LRFN2: variants seen among roughly 807,000 people sequenced by gnomAD.
The protein encoded by LRFN2 is leucine rich repeat and fibronectin type III domain containing 2.
Under a neutral mutation model 37.3 loss-of-function variants are expected in LRFN2, and 18 were observed. The ratio of observed to expected loss-of-function variants is 0.48; its 90% CI spans 0.33 to 0.72. The LOEUF (loss-of-function observed/expected upper bound fraction) is 0.72. Among genes scored for constraint, LRFN2 ranks in the 30% least tolerant of loss-of-function variants. LRFN2 has a pLI of 0.02. For missense variants in LRFN2, 1,006 were observed against 1,060.7 expected, an observed-to-expected ratio of 0.95 and a Z score of 0.72; for synonymous variants, 556 against 466.6, an observed-to-expected ratio of 1.19 and a Z score of -2.47.
At chr6:40,443,527 G>T (rs775451165) in intron 1 of LRFN2, among the ~76,000 whole-genome samples, 5 of 152,152 alleles carry the variant, frequency 3.3e-5, no homozygotes, top group Admixed American at 1.3e-4. Flanking sequence ...TACTACAAAT[G>T]CTTCCCCCAA....
At chr6:40,453,513 AAC>A (rs5875719) in intron 1 of LRFN2, among the ~76,000 whole-genome samples, 31,151 of 119,562 alleles carry the variant, frequency 0.26, 3,791 homozygotes, top group Middle Eastern at 0.45. Context: ...CCCCAAGCCA[AAC>A]ACACACACAC....
chr6:40,465,561 C>T (rs1271867071), intron 1 of LRFN2, among the ~76,000 whole-genome samples: 2 of 152,144 alleles, frequency 1.3e-5, no homozygotes, highest in African/African-American at 2.4e-5. Flanking sequence ...TGGTTTACTT[C>T]TGGGAAAATC....
chr6:40,391,940 C>G lies in LRFN2; in HGVS notation c.*3G>C, dbSNP rs761584828. ...ACAGGAAAGGGAGCATGCCCACCCC[C>G]ACCTAGACCGTGCTCTCCATCACCC... On this transcript the variant is annotated 3_prime_UTR_variant, in exon 3 of 3. Transcript: ENST00000338305. The G allele has an allele frequency of 6.4e-7, 1 of 1,554,866 alleles. No individual in the cohort carries two copies. The highest frequency in any genetic ancestry group is 2.3e-5 in the East Asian group (1 of 44,004).
intron 2 of LRFN2, among the ~76,000 whole-genome samples, chr6:40,409,497 A>C (rs1459376556): frequency 1.3e-5 from 2 of 152,250 alleles, no homozygotes; most frequent in Non-Finnish European, 2.9e-5. Flanking sequence ...AAAAGAAGCC[A>C]TGATGATGTT....
chr6:40,444,812 C>T lies in LRFN2; in HGVS notation c.-18-11681G>A, dbSNP rs1244151358. On this transcript the variant is annotated intron_variant, in intron 1 of 2. Coordinates refer to ENST00000338305, the MANE Select transcript of LRFN2 (RefSeq NM_020737.3). ...GTTCTGTCCACCCCGCACAGTCTCCCTCTCAGTCCTCAAGTCCAAATAGGG... is the reference window on the plus strand; with the variant it reads ...GTTCTGTCCACCCCGCACAGTCTCCTTCTCAGTCCTCAAGTCCAAATAGGG... Among the ~76,000 whole-genome samples the T allele has an allele frequency of 1.1e-4, 16 of 152,268 alleles. No homozygotes were observed. In the East Asian group the frequency reaches 3.1e-3, roughly 29 times the overall value.
intron 1 of LRFN2, among the ~76,000 whole-genome samples, chr6:40,478,330 T>G (rs966442476): frequency 2.6e-5 from 4 of 152,250 alleles, no homozygotes; most frequent in Admixed American, 2.6e-4. Context: ...GTGCTAATAA[T>G]ATTAATTGCC....
rs147363579 is a variant in LRFN2 at position 40,472,703 on chromosome 6, G to A, written c.-18-39572C>T. On this transcript the variant is annotated intron_variant, in intron 1 of 2. Coordinates refer to ENST00000338305, the MANE Select transcript of LRFN2 (RefSeq NM_020737.3). The stretch of plus-strand genomic sequence containing the variant: ...CCTACGGGAGCCCTGGATGTGACCT[G>A]ACTCTGAGCAGCATTTGACATGCTG... Among the ~76,000 whole-genome samples the A allele has an allele frequency of 2.9e-3, 440 of 152,266 alleles. 3 individuals carry two copies. Among genetic ancestry groups the A allele is most frequent in the African/African-American group, 0.01 (423 of 41,554 alleles).
intron 1 of LRFN2, among the ~76,000 whole-genome samples, chr6:40,518,300 C>T (rs1392858062): frequency 6.6e-6 from 1 of 152,146 alleles, no homozygotes; most frequent in East Asian, 1.9e-4. Context: ...AGCTGGTGAC[C>T]AATAAATATT....
intron 1 of LRFN2, among the ~76,000 whole-genome samples, chr6:40,555,082 C>G (rs188444450): frequency 2.0e-4 from 30 of 152,256 alleles, no homozygotes; most frequent in African/African-American, 6.7e-4. Flanking sequence ...ACCTCTTTTC[C>G]CTGGGTAAGA....
In LRFN2 at chr6:40,434,290, C is replaced by T. The variant is rs184374728; in HGVS notation, c.-18-1159G>A. 4.1e-3 allele frequency among the ~76,000 whole-genome samples: 626 copies of T among 152,238 alleles called. 4 individuals are homozygous for T. The highest frequency in any genetic ancestry group is 6.8e-3 in the African/African-American group (284 of 41,538). On this transcript the variant is annotated intron_variant, in intron 1 of 2. Transcript: ENST00000338305. ...AAGAGAAATCTGACTCAAGTCTTTG[C>T]GCCTCCAAATGTCAACAGTTTCCTC...
intron 1 of LRFN2, among the ~76,000 whole-genome samples, chr6:40,478,111 G>A (rs1166631146): frequency 6.6e-6 from 1 of 152,124 alleles, no homozygotes; most frequent in Non-Finnish European, 1.5e-5. Flanking sequence ...CCCCTGCTAT[G>A]CCAGGACGCA....
intron 1 of LRFN2, among the ~76,000 whole-genome samples, chr6:40,545,508 C>A (rs551621261): frequency 3.3e-5 from 5 of 152,198 alleles, no homozygotes; most frequent in African/African-American, 1.2e-4. Context: ...ACTGGGCCAA[C>A]CCCTGGAGCA....
chr6:40,446,387 G>A (rs1374912572), intron 1 of LRFN2, among the ~76,000 whole-genome samples: 4 of 152,210 alleles, frequency 2.6e-5, no homozygotes, highest in Non-Finnish European at 5.9e-5. Flanking sequence ...ACCTGTTATG[G>A]GGGCTACAGA....
At chr6:40,571,084 G>A (rs1243688356) in intron 1 of LRFN2, among the ~76,000 whole-genome samples, 4 of 152,212 alleles carry the variant, frequency 2.6e-5, no homozygotes, top group Admixed American at 2.6e-4. Context: ...ACCTCTTGCT[G>A]GAAGCACTGC....
At chr6:40,460,862 A>T (rs896745795) in intron 1 of LRFN2, among the ~76,000 whole-genome samples, 7 of 152,200 alleles carry the variant, frequency 4.6e-5, no homozygotes, top group African/African-American at 1.7e-4. Flanking sequence ...AAAGTTGGCC[A>T]AGTGCTGGAG....
chr6:40,465,516 C>T (rs1370960642), intron 1 of LRFN2, among the ~76,000 whole-genome samples: 3 of 152,152 alleles, frequency 2.0e-5, no homozygotes, highest in Non-Finnish European at 4.4e-5. Flanking sequence ...CTTGAAGTCA[C>T]CCCCAGATAA....
At chr6:40,572,510 G>A (rs1194003510) in intron 1 of LRFN2, among the ~76,000 whole-genome samples, 1 of 152,208 alleles carries the variant, frequency 6.6e-6, no homozygotes, top group Non-Finnish European at 1.5e-5. Flanking sequence ...CCTTACAAGT[G>A]GGAGGCTTGA....
intron 2 of LRFN2, among the ~76,000 whole-genome samples, chr6:40,421,025 C>A (rs1763216635): frequency 6.6e-6 from 1 of 152,238 alleles, no homozygotes; most frequent in South Asian, 2.1e-4. Context: ...ATCCTCCAAA[C>A]TCTGTTAAAG....
intron 1 of LRFN2, among the ~76,000 whole-genome samples, chr6:40,466,454 CA>C (rs771540778): frequency 2.4e-4 from 36 of 151,630 alleles, no homozygotes; most frequent in Admixed American, 1.6e-3. Flanking sequence ...ATAGGTAGAG[CA>C]AGGACACCCA....
Sources: allele counts gnomAD v4.1 joint callset (sites outside exome capture counted in the v4.1 genomes callset), GRCh38; gene constraint gnomAD v4.1.1; transcripts MANE v1.5; gene names NCBI Gene and HGNC (gene_info 2026-07-23, HGNC 2026-07-21).